ATP8B1: variants seen among roughly 807,000 people sequenced by gnomAD.
The protein encoded by ATP8B1 is ATPase phospholipid transporting 8B1.
A neutral mutation model predicts 149.9 loss-of-function variants in ATP8B1; 80 were observed. The ratio of observed to expected loss-of-function variants is 0.53; its 90% CI spans 0.45 to 0.64. ATP8B1 has a LOEUF of 0.64. Ranked by LOEUF, ATP8B1 falls within the 30% of genes least tolerant of loss-of-function variation. The probability of loss-of-function intolerance (pLI) is 0.00; values close to 1 mark genes in which losing one functional copy is unlikely to be tolerated. For synonymous variants in ATP8B1, 536 were observed against 562.8 expected (o/e 0.95, Z 0.67); for missense variants, 1,247 against 1,552.6 (o/e 0.80, Z 3.31).
chr18:57,754,369 C>T (rs965472180), intron 1 of ATP8B1, among the ~76,000 whole-genome samples: 7 of 151,970 alleles, frequency 4.6e-5, no homozygotes, highest in Admixed American at 6.6e-5. Flanking sequence ...ACCTGGGAGG[C>T]GGAGGTTGCA....
intron 20 of ATP8B1, among the ~76,000 whole-genome samples, chr18:57,663,388 G>T (rs1321611102): frequency 6.6e-6 from 1 of 152,178 alleles, no homozygotes; most frequent in African/African-American, 2.4e-5. Flanking sequence ...GTGTTGCTGT[G>T]AACATGGGTG....
intron 2 of ATP8B1, among the ~76,000 whole-genome samples, chr18:57,730,242 G>C (rs543070758): frequency 3.3e-4 from 49 of 149,158 alleles, no homozygotes; most frequent in African/African-American, 1.1e-3. Context: ...CTAGAGGGGG[G>C]GTTTGGCATG....
chr18:57,681,255 T>G (rs1911953869), intron 15 of ATP8B1, among the ~76,000 whole-genome samples: 2 of 143,826 alleles, frequency 1.4e-5, no homozygotes, highest in South Asian at 2.3e-4. Context: ...GGCAACCCAG[T>G]TGATAAAGAA....
intron 15 of ATP8B1, among the ~76,000 whole-genome samples, chr18:57,678,536 G>A (rs1287748247): frequency 2.7e-5 from 4 of 147,674 alleles, no homozygotes; most frequent in African/African-American, 9.9e-5. Flanking sequence ...GCAGTGAACC[G>A]AGATCACACC....
At chr18:57,727,027 C>G (rs1368570241) in intron 2 of ATP8B1, among the ~76,000 whole-genome samples, 1 of 152,202 alleles carries the variant, frequency 6.6e-6, no homozygotes, top group Non-Finnish European at 1.5e-5. Context: ...TTGCAGTGAG[C>G]TGAGATCACG....
intron 1 of ATP8B1, among the ~76,000 whole-genome samples, chr18:57,782,821 T>TTC (rs1239575984): frequency 1.9e-5 from 2 of 103,706 alleles, no homozygotes; most frequent in African/African-American, 6.4e-5. Flanking sequence ...TTTTTTTTTT[T>TTC]TTTTTTTTTG....
chr18:57,671,708 G>A (rs1453179925), intron 16 of ATP8B1, 128 bp from the exon 17 acceptor site: 12 of 681,258 alleles, frequency 1.8e-5, no homozygotes, highest in Admixed American at 1.0e-4. Flanking sequence ...CTGTAGCCTC[G>A]ACCCCCCAGG....
In ATP8B1 at chr18:57,668,157, C is replaced by T. The variant is rs1036106746; in HGVS notation, c.2209+272G>A. 3.3e-5 allele frequency: 45 copies of T among 1,382,950 alleles called. 1 individual carries two copies. The highest frequency in any genetic ancestry group is 4.3e-5 in the African/African-American group (3 of 68,966). The allele number at this position is 1,382,950 out of a possible 1,614,324, so 85.7% of individuals were successfully genotyped here. A position where few individuals can be genotyped will look rare whatever the true frequency, so the allele number is the denominator to read the frequency against. On this transcript the variant is annotated intron_variant, in intron 19 of 27. Coordinates refer to ENST00000648908, the MANE Select transcript of ATP8B1 (RefSeq NM_001374385.1). Reference sequence around the variant, plus strand: ...ATGGCCCTTTCAGGACGGGAACCCACGTCTGGCTGGAGAGATAAGACCAAT... The same window carrying T: ...ATGGCCCTTTCAGGACGGGAACCCATGTCTGGCTGGAGAGATAAGACCAAT...
intron 1 of ATP8B1, chr18:57,755,306 A>G (rs1458901103): frequency 6.6e-6 from 1 of 152,178 alleles, no homozygotes. Flanking sequence ...ATATAATAAC[A>G]TCAACATTTG....
chr18:57,750,015 G>T (rs942067570), intron 1 of ATP8B1, among the ~76,000 whole-genome samples: 1 of 152,192 alleles, frequency 6.6e-6, no homozygotes, highest in Non-Finnish European at 1.5e-5. Context: ...GGCCAAGTTT[G>T]GTGGATCACT....
chr18:57,792,564 G>GTAGA (rs963338415), intron 1 of ATP8B1, among the ~76,000 whole-genome samples: 4 of 152,144 alleles, frequency 2.6e-5, no homozygotes, highest in African/African-American at 9.7e-5. Context: ...GAAGCAGAGG[G>GTAGA]TAGATGAGAG....
Position 57,674,856 on chromosome 18 carries a change from G to T in ATP8B1, c.1797C>A (p.Asp599Glu). 6.2e-7 allele frequency: 1 copy of T among 1,614,134 alleles called. No individual in the cohort carries two copies. Residue 599 changes from aspartate to glutamate, a missense_variant, in exon 16 of 28, where the codon GAC becomes GAA. Asp to Glu is a conservative substitution (Grantham distance 45, BLOSUM62 2). This residue lies in a region of ATP8B1 where 853 missense variants were observed against 1,035.7 expected (regional missense o/e 0.82). Transcript: ENST00000648908. Reference sequence around the variant, plus strand: ...TACCAATGATAGACATTCGCTTCCGGTCACTGTTGAAGTCCAAAATGGCAA... The same window carrying T: ...TACCAATGATAGACATTCGCTTCCGTTCACTGTTGAAGTCCAAAATGGCAA... ...NVLAILDFNS[D>E]RKRMSIIVRT... is the part of the protein sequence containing the mutation.
rs71171092 is a variant in ATP8B1 at position 57,765,977 on chromosome 18, G to GA, written c.-25-34146dup. Among the ~76,000 whole-genome samples the GA allele has an allele frequency of 5.6e-3, 813 of 146,196 alleles. 2 individuals carry two copies. Among genetic ancestry groups the GA allele is most frequent in the African/African-American group, 0.015 (583 of 39,726 alleles). On this transcript the variant is annotated intron_variant, in intron 1 of 27. Transcript: ENST00000648908. Reference sequence around the variant, plus strand: ...ACAAAGCAAGACTCTGTCTCAAAAAGAAAAAAAAAAATGTTAAGATGGTAG... The same window carrying GA: ...ACAAAGCAAGACTCTGTCTCAAAAAGAAAAAAAAAAAATGTTAAGATGGTAG...
intron 9 of ATP8B1, 22 bp from the exon 10 acceptor site, chr18:57,695,351 C>T: frequency 6.3e-7 from 1 of 1,591,866 alleles, no homozygotes; most frequent in Non-Finnish European, 8.6e-7. Flanking sequence ...ATAAGATTCA[C>T]ATAATTAATC....
chr18:57,744,050 C>G (rs2079942361), intron 1 of ATP8B1, among the ~76,000 whole-genome samples: 1 of 152,118 alleles, frequency 6.6e-6, no homozygotes, highest in Non-Finnish European at 1.5e-5. Flanking sequence ...CGCGGTGGCT[C>G]ACACCTGTAA....
At chr18:57,769,288 G>GCTTGC (rs2080246048) in intron 1 of ATP8B1, among the ~76,000 whole-genome samples, 1 of 152,258 alleles carries the variant, frequency 6.6e-6, no homozygotes, top group African/African-American at 2.4e-5. Flanking sequence ...TTCCTCCTGG[G>GCTTGC]CCTGCCCTGC....
chr18:57,658,761 G>A lies in ATP8B1; in HGVS notation c.2707+2413C>T, dbSNP rs1910188684. On this transcript the variant is annotated intron_variant, in intron 22 of 27. Coordinates refer to ENST00000648908, the MANE Select transcript of ATP8B1 (RefSeq NM_001374385.1). ...GCTCACTGTAGTCTCAACTTCTCAG[G>A]CTCAAGTAATCCTTCCGTCTCAGCC... 2.0e-5 allele frequency among the ~76,000 whole-genome samples: 3 copies of A among 151,700 alleles called. No individual in the cohort carries two copies. In the South Asian group the frequency reaches 6.2e-4, roughly 32 times the overall value.
intron 20 of ATP8B1, among the ~76,000 whole-genome samples, chr18:57,663,987 A>T (rs1399808145): frequency 6.6e-6 from 1 of 150,590 alleles, no homozygotes; most frequent in Non-Finnish European, 1.5e-5. Flanking sequence ...GGATGGTCTC[A>T]ATCTCTTGAC....
chr18:57,778,222 C>CT (rs200469930), intron 1 of ATP8B1, among the ~76,000 whole-genome samples: 1,082 of 94,840 alleles, frequency 0.011, 24 homozygotes, highest in African/African-American at 0.029. Context: ...GTTTCTTTTT[C>CT]TTTTTCTTTT....
Sources: gnomAD v4.1 joint callset for allele counts (sites outside exome capture counted in the v4.1 genomes callset) on GRCh38, gnomAD v4.1.1 for gene constraint, gnomAD v4.1.1 regional missense constraint, MANE v1.5 for transcripts, NCBI Gene and HGNC (gene_info 2026-07-23, HGNC 2026-07-21) for gene names.